Variants in LGR5 observed in about 807,000 individuals in gnomAD.
LGR5 encodes the protein leucine-rich repeat-containing G protein-coupled receptor 5.
In LGR5, 54 loss-of-function variants were observed where a neutral mutation model predicts 76.7. The observed-to-expected ratio is 0.70, with a 90% CI of 0.57 to 0.88. The LOEUF (loss-of-function observed/expected upper bound fraction) is 0.88, where lower values mean the gene tolerates loss of function less well. LGR5 is among the 40% of genes least tolerant of loss of function. The pLI is 0.00. For missense variants in LGR5, 1,078 were observed against 1,073.3 expected (o/e 1.00, Z -0.06); for synonymous variants, 406 against 421.9 (o/e 0.96, Z 0.46).
intron 2 of LGR5, among the ~76,000 whole-genome samples, chr12:71,516,787 T>G (rs1374513160): frequency 6.6e-6 from 1 of 152,200 alleles, no homozygotes; most frequent in African/African-American, 2.4e-5. Context: ...CTCTTGTAAC[T>G]TAATGGGTTT....
chr12:71,456,211 G>A (rs956647494), intron 1 of LGR5, among the ~76,000 whole-genome samples: 2 of 152,056 alleles, frequency 1.3e-5, no homozygotes, highest in Non-Finnish European at 2.9e-5. Flanking sequence ...TAAAGACGGG[G>A]GAGAAAAGGA....
chr12:71,460,905 C>T (rs902816791), intron 1 of LGR5, among the ~76,000 whole-genome samples: 1 of 152,174 alleles, frequency 6.6e-6, no homozygotes, highest in African/African-American at 2.4e-5. Context: ...ATGGTTTCTG[C>T]ATAGCACTCT....
intron 2 of LGR5, among the ~76,000 whole-genome samples, chr12:71,520,938 A>G (rs541721912): frequency 6.6e-6 from 1 of 152,242 alleles, no homozygotes; most frequent in Non-Finnish European, 1.5e-5. Context: ...GAATCTACAC[A>G]TACAAATGTT....
At chr12:71,560,725 G>A (rs1008747718) in intron 7 of LGR5, among the ~76,000 whole-genome samples, 14 of 152,246 alleles carry the variant, frequency 9.2e-5, no homozygotes, top group African/African-American at 2.6e-4. Flanking sequence ...CCAGAGGGGC[G>A]GTGATTGCAG....
At chr12:71,553,321 G>A (rs1877590670) in intron 5 of LGR5, 33 bp downstream of exon 5, 1 of 1,555,974 alleles carries the variant, frequency 6.4e-7, no homozygotes, top group Admixed American at 1.7e-5. Flanking sequence ...TCTTTTAACA[G>A]TTTCTAATGT....
chr12:71,475,483 T>C (rs995653762), intron 1 of LGR5, among the ~76,000 whole-genome samples: 1 of 151,014 alleles, frequency 6.6e-6, no homozygotes, highest in African/African-American at 2.5e-5. Flanking sequence ...GCCTTGGCTG[T>C]TGATGCTTTT....
chr12:71,522,473 G>A (rs1875772706), intron 2 of LGR5, among the ~76,000 whole-genome samples: 1 of 152,112 alleles, frequency 6.6e-6, no homozygotes, highest in Non-Finnish European at 1.5e-5. Flanking sequence ...ACCATGCTTA[G>A]GCTAGCAGCT....
chr12:71,471,386 AT>A (rs1408725683), intron 1 of LGR5, among the ~76,000 whole-genome samples: 1 of 152,234 alleles, frequency 6.6e-6, no homozygotes, highest in Admixed American at 6.5e-5. Flanking sequence ...TTTGTACAAA[AT>A]GTCCAGAATA....
At chr12:71,470,090 G>T (rs536574994) in intron 1 of LGR5, among the ~76,000 whole-genome samples, 13 of 152,222 alleles carry the variant, frequency 8.5e-5, no homozygotes, top group African/African-American at 3.1e-4. Context: ...GCCTCCTGGG[G>T]GTATCCATAC....
intron 2 of LGR5, among the ~76,000 whole-genome samples, chr12:71,506,741 T>C (rs988990698): frequency 3.9e-5 from 6 of 152,318 alleles, no homozygotes; most frequent in African/African-American, 1.4e-4. Context: ...CTTTTCCATA[T>C]ATAATTCTGT....
chr12:71,535,896 A>G (rs1039498314), intron 4 of LGR5, among the ~76,000 whole-genome samples: 1 of 152,208 alleles, frequency 6.6e-6, no homozygotes, highest in Non-Finnish European at 1.5e-5. Flanking sequence ...CTTCTGAATA[A>G]ATAAAATTAC....
intron 1 of LGR5, among the ~76,000 whole-genome samples, chr12:71,470,902 T>C (rs537969859): frequency 6.6e-6 from 1 of 152,296 alleles, no homozygotes; most frequent in Admixed American, 6.5e-5. Flanking sequence ...TGCCCCATCT[T>C]ACCCATGTTC....
chr12:71,533,423 C>T (rs1264388760), intron 3 of LGR5, among the ~76,000 whole-genome samples: 1 of 151,830 alleles, frequency 6.6e-6, no homozygotes. Context: ...TGTGTGGTGC[C>T]CTGCTCAGCA....
intron 4 of LGR5, among the ~76,000 whole-genome samples, chr12:71,537,744 T>C (rs532641512): frequency 6.6e-6 from 1 of 152,200 alleles, no homozygotes; most frequent in African/African-American, 2.4e-5. Context: ...ATGCATTCCT[T>C]ATCCATTCTC....
intron 1 of LGR5, among the ~76,000 whole-genome samples, chr12:71,483,752 A>G (rs12817532): frequency 0.09 from 13,631 of 151,918 alleles, 658 homozygotes; most frequent in Non-Finnish European, 0.11. Context: ...ATTAGGTTGC[A>G]TGTGTGTGTT....
intron 1 of LGR5, among the ~76,000 whole-genome samples, chr12:71,471,006 T>A (rs1873079049): frequency 6.6e-6 from 1 of 152,240 alleles, no homozygotes; most frequent in African/African-American, 2.4e-5. Flanking sequence ...ACTATTTGTT[T>A]GTCTCCCCTC....
chr12:71,538,903 C>T (rs895354617), intron 4 of LGR5, among the ~76,000 whole-genome samples: 4 of 152,246 alleles, frequency 2.6e-5, no homozygotes, highest in Non-Finnish European at 5.9e-5. Context: ...AAAATCCATA[C>T]TTTGCACTCT....
At chr12:71,451,585 A>T (rs1210614452) in intron 1 of LGR5, among the ~76,000 whole-genome samples, 1 of 152,160 alleles carries the variant, frequency 6.6e-6, no homozygotes, top group Non-Finnish European at 1.5e-5. Context: ...CCCACATTTT[A>T]GAAACCTGTC....
At position 71,556,683 on chromosome 12, in the gene LGR5, G is replaced by C. The variant is rs773192271; in HGVS notation, c.709G>C (p.Glu237Gln). ...KKCFDGLHSL[E>Q]TLDLNYNNLD... ...ATGCTTTGATGGGCTCCACAGCCTA[G>C]AGACTTTGTGAGTTGACCTTTTATT... Residue 237 changes from glutamate (E) to glutamine (Q), a missense_variant, in exon 6 of 18, where the codon GAG becomes CAG. Coordinates refer to ENST00000266674, the MANE Select transcript of LGR5 (RefSeq NM_003667.4). 1 of 1,606,402 alleles carries C rather than the reference G, an allele frequency of 6.2e-7. No individual in the cohort carries two copies. The highest frequency in any genetic ancestry group is 8.5e-7 in the Non-Finnish European group (1 of 1,172,964).
Sources: gnomAD v4.1 joint callset for allele counts (sites outside exome capture counted in the v4.1 genomes callset) on GRCh38, gnomAD v4.1.1 for gene constraint, MANE v1.5 for transcripts, NCBI Gene and HGNC (gene_info 2026-07-23, HGNC 2026-07-21) for gene names.